Variants in CDKN2B-AS1 observed in about 807,000 individuals in gnomAD.
CDKN2B-AS1 encodes the protein CDKN2B antisense RNA 1 (non-protein coding).
At chr9:22,054,726 AT>A (rs1195471323) in intron 3 of CDKN2B-AS1, among the ~76,000 whole-genome samples, 1 of 146,016 alleles carries the variant, frequency 6.8e-6, no homozygotes, top group Admixed American at 6.7e-5. Context: ...TATTTATTTT[AT>A]TTTTTTATTT....
intron 1 of CDKN2B-AS1, chr9:22,008,996 TG>T: frequency 6.2e-7 from 1 of 1,613,432 alleles, no homozygotes; most frequent in Non-Finnish European, 8.5e-7. Flanking sequence ...AATCCACCGT[TG>T]GCCGTAAACT....
rs1822821343 is a variant in CDKN2B-AS1 at position 22,039,609 on chromosome 9, C to T, written n.30-7142C>T. On this transcript the variant is annotated intron_variant and non_coding_transcript_variant, in intron 1 of 4. Coordinates refer to ENST00000650946, the Ensembl canonical transcript of CDKN2B-AS1. The surrounding 1 kb of genome is among the most constrained non-coding windows in gnomAD (Gnocchi z 4.4). ...TACCACAATCAAAGTAGAATGGCAG[C>T]TTATAGTAGTTATTTGGATAATTTA... 6.6e-6 allele frequency among the ~76,000 whole-genome samples: 1 copy of T among 151,868 alleles called. No homozygotes were observed. The highest frequency in any genetic ancestry group is 2.4e-5 in the African/African-American group (1 of 41,346).
intron 1 of CDKN2B-AS1, among the ~76,000 whole-genome samples, chr9:22,031,556 C>G (rs1822470410): frequency 2.0e-5 from 3 of 152,024 alleles, no homozygotes; most frequent in Admixed American, 6.6e-5. Flanking sequence ...TTTAAGGAAA[C>G]TTAGAGCTAA....
intron 4 of CDKN2B-AS1, among the ~76,000 whole-genome samples, chr9:22,090,024 G>A (rs961447520): frequency 7.8e-6 from 1 of 127,896 alleles, no homozygotes; most frequent in Non-Finnish European, 1.5e-5. Context: ...TCCCCTTCCT[G>A]TGTCCATTTG....
chr9:22,079,521 A>G (rs1824623255), intron 4 of CDKN2B-AS1, among the ~76,000 whole-genome samples: 1 of 151,650 alleles, frequency 6.6e-6, no homozygotes. Context: ...AAAAAAAAAA[A>G]AGGGAAAGAA....
chr9:22,005,875 G>T lies in CDKN2B-AS1; in HGVS notation n.29+10714G>T. 1 of 1,406,112 alleles carries T rather than the reference G, an allele frequency of 7.1e-7. No homozygotes were observed. The highest frequency in any genetic ancestry group is 9.7e-7 in the Non-Finnish European group (1 of 1,029,696). The allele number at this position is 1,406,112 out of a possible 1,614,324, so 87.1% of individuals were successfully genotyped here. A position where few individuals can be genotyped will look rare whatever the true frequency, so the allele number is the denominator to read the frequency against. ...CTGTGAGTCTCAGACAGGCTTGCAG[G>T]CTTACAGGCTTTCCGCCGCTCCCCG... On this transcript the variant is annotated intron_variant and non_coding_transcript_variant, in intron 1 of 4. Coordinates refer to ENST00000650946, the Ensembl canonical transcript of CDKN2B-AS1. This position sits in a 1 kb window ranked among gnomAD's most constrained non-coding sequence, Gnocchi z 4.9.
intron 1 of CDKN2B-AS1, chr9:22,009,305 T>G (rs1478690837): frequency 6.5e-5 from 28 of 432,938 alleles, no homozygotes; most frequent in Non-Finnish European, 1.1e-4. Context: ...TCTGGCAGAG[T>G]GGGGAGCCAG....
intron 4 of CDKN2B-AS1, chr9:22,120,614 A>T (rs572052745): frequency 9.9e-5 from 15 of 152,254 alleles, no homozygotes; most frequent in East Asian, 1.9e-4. Flanking sequence ...TGGTTTTTTT[A>T]AAAAAATAAC....
chr9:22,058,870 T>C lies in CDKN2B-AS1; in HGVS notation n.438+2483T>C, dbSNP rs576721352. 8.2e-5 allele frequency: 18 copies of C among 219,028 alleles called. No individual in the cohort carries two copies. The South Asian group carries it at 1.3e-3, about 16-fold the overall frequency. The allele number at this position is 219,028 out of a possible 1,614,324, so 13.6% of individuals were successfully genotyped here. A position where few individuals can be genotyped will look rare whatever the true frequency, so the allele number is the denominator to read the frequency against. ...CATGGTGGGAGGCGAAAGGCACTTC[T>C]TACATGGTGGCAGCAAGAGAAAAAT... On this transcript the variant is annotated intron_variant and non_coding_transcript_variant, in intron 4 of 4. Coordinates refer to ENST00000650946, the Ensembl canonical transcript of CDKN2B-AS1.
At position 22,022,031 on chromosome 9, in the gene CDKN2B-AS1, G is replaced by T. The variant is rs951564724; in HGVS notation, n.30-24720G>T. Among the ~76,000 whole-genome samples the T allele has an allele frequency of 3.3e-5, 5 of 152,264 alleles. No homozygotes were observed. The East Asian group carries it at 9.7e-4, about 29-fold the overall frequency. On this transcript the variant is annotated intron_variant and non_coding_transcript_variant, in intron 1 of 4. Transcript: ENST00000650946. ...TGTGGTCTGGGAGACAGTTTGTTAT[G>T]ATTTCAGTTCTTTTGCATTTGCTGA...
chr9:22,024,043 TG>T lies in CDKN2B-AS1; in HGVS notation n.30-22707del, dbSNP rs1253710592. The stretch of plus-strand genomic sequence containing the variant: ...TTGATTATTGAGTTTTCAGTGTTCT[TG>T]TGCTGATTATTTCTTATCTTTGTGG... On this transcript the variant is annotated intron_variant and non_coding_transcript_variant, in intron 1 of 4. Coordinates refer to ENST00000650946, the Ensembl canonical transcript of CDKN2B-AS1. Among the ~76,000 whole-genome samples the T allele has an allele frequency of 3.3e-5, 5 of 152,208 alleles. No homozygotes were observed. The East Asian group carries it at 9.6e-4, about 29-fold the overall frequency.
chr9:22,012,418 A>G (rs1587396518), intron 1 of CDKN2B-AS1: 3 of 767,784 alleles, frequency 3.9e-6, no homozygotes, highest in East Asian at 5.1e-5. Flanking sequence ...TCACCTAGAA[A>G]TACAGCTGAA....
intron 1 of CDKN2B-AS1, among the ~76,000 whole-genome samples, chr9:22,018,011 G>C (rs924723815): frequency 6.6e-6 from 1 of 152,190 alleles, no homozygotes; most frequent in African/African-American, 2.4e-5. Context: ...AATATCAGGA[G>C]GGGTAGTGAG....
rs1192541701 is a variant in CDKN2B-AS1 at position 21,995,205 on chromosome 9, C to T, written n.29+44C>T. On this transcript the variant is annotated intron_variant and non_coding_transcript_variant, in intron 1 of 4. Transcript: ENST00000650946. This position sits in a 1 kb window ranked among gnomAD's most constrained non-coding sequence, Gnocchi z 5.7. ...GGGGGTCCCAGCTGGGTCCGGGCGC[C>T]CATTCCCCTCCCAGCTGCCCGCGTC... The T allele has an allele frequency of 1.3e-5, 2 of 152,248 alleles. No homozygotes were observed. Among genetic ancestry groups the T allele is most frequent in the Non-Finnish European group, 2.9e-5 (2 of 68,068 alleles). The allele number at this position is 152,248 out of a possible 1,614,324, so 9.4% of individuals were successfully genotyped here. A position where few individuals can be genotyped will look rare whatever the true frequency, so the allele number is the denominator to read the frequency against.
intron 4 of CDKN2B-AS1, among the ~76,000 whole-genome samples, chr9:22,081,710 A>C (rs1329144152): frequency 6.6e-6 from 1 of 152,180 alleles, no homozygotes; most frequent in Non-Finnish European, 1.5e-5. Flanking sequence ...TAGTTGTGTA[A>C]TCTTGAAAAA....
intron 4 of CDKN2B-AS1, among the ~76,000 whole-genome samples, chr9:22,088,349 T>C (rs1453701362): frequency 2.0e-5 from 3 of 152,168 alleles, no homozygotes; most frequent in Admixed American, 2.0e-4. Flanking sequence ...TATTTACCTT[T>C]TTGGAATCAT....
rs74992648 is a variant in CDKN2B-AS1, at chr9:22,023,910, A to G, written n.30-22841A>G. On this transcript the variant is annotated intron_variant and non_coding_transcript_variant, in intron 1 of 4. Coordinates refer to ENST00000650946, the Ensembl canonical transcript of CDKN2B-AS1. ...CTATAACTCTGCGAACTTCATTCCT[A>G]TCCATATTCTGAATTCTGCTTCTAT... Among the ~76,000 whole-genome samples, 1,372 of 152,224 alleles carry G rather than the reference A, an allele frequency of 9.0e-3. 111 individuals are homozygous for G. In the East Asian group the frequency reaches 0.2, roughly 22 times the overall value.
chr9:22,034,722 T>G (rs1358826368), intron 1 of CDKN2B-AS1, among the ~76,000 whole-genome samples: 1 of 152,162 alleles, frequency 6.6e-6, no homozygotes, highest in Non-Finnish European at 1.5e-5. Flanking sequence ...CTTGTTTCGC[T>G]TTTGAGGGCC....
intron 4 of CDKN2B-AS1, chr9:22,097,401 G>T (rs761234595): frequency 1.3e-5 from 2 of 152,160 alleles, no homozygotes; most frequent in African/African-American, 2.4e-5. Flanking sequence ...AAGAGGATAA[G>T]AGCAACTTGG....
Sources: allele counts gnomAD v4.1 joint callset (sites outside exome capture counted in the v4.1 genomes callset), GRCh38; gene constraint gnomAD v4.1.1; non-coding constraint Gnocchi (gnomAD v3.1); transcripts MANE v1.5; gene names NCBI Gene and HGNC (gene_info 2026-07-23, HGNC 2026-07-21).